IQGAP1: variants seen among roughly 807,000 people sequenced by gnomAD.
The protein encoded by IQGAP1 is IQ motif containing GTPase activating protein 1.
A neutral mutation model predicts 215.6 loss-of-function variants in IQGAP1; 66 were observed. The observed-to-expected ratio is 0.31, with a 90% CI of 0.25 to 0.38. IQGAP1 has a LOEUF of 0.38. Among genes scored for constraint, IQGAP1 ranks in the 10% least tolerant of loss-of-function variants. The pLI is 1.00. For missense variants in IQGAP1, 1,712 were observed against 1,997.1 expected (o/e 0.86, Z 2.72); for synonymous variants, 772 against 728.7 (o/e 1.06, Z -0.96).
chr15:90,486,822 T>C, intron 31 of IQGAP1, 132 bp from the exon 32 acceptor site: 1 of 853,694 alleles, frequency 1.2e-6, no homozygotes, highest in South Asian at 1.8e-5. Flanking sequence ...GTAAAAGTTG[T>C]TCTCGTCACA....
intron 33 of IQGAP1, among the ~76,000 whole-genome samples, chr15:90,490,970 G>C (rs941070837): frequency 1.3e-5 from 2 of 152,090 alleles, no homozygotes; most frequent in African/African-American, 4.8e-5. Flanking sequence ...CCCATGCTCG[G>C]CTAATTTTGT....
At chr15:90,432,542 A>G (rs1388936909) in intron 4 of IQGAP1, among the ~76,000 whole-genome samples, 1 of 152,156 alleles carries the variant, frequency 6.6e-6, no homozygotes, top group African/African-American at 2.4e-5. Flanking sequence ...TGCTTATAAT[A>G]ATCTGATTTT....
chr15:90,485,772 C>T (rs1966117859), intron 30 of IQGAP1, among the ~76,000 whole-genome samples: 3 of 152,078 alleles, frequency 2.0e-5, no homozygotes, highest in Non-Finnish European at 4.4e-5. Context: ...ACATTTGAAT[C>T]CTTTATGGCC....
intron 36 of IQGAP1, among the ~76,000 whole-genome samples, chr15:90,495,537 G>A (rs563851528): frequency 4.0e-5 from 6 of 151,750 alleles, no homozygotes; most frequent in East Asian, 1.9e-4. Context: ...TCGTTTTAAT[G>A]TATTTTTTTC....
At position 90,463,902 on chromosome 15, in the gene IQGAP1, G is replaced by A. The variant is rs184670008; in HGVS notation, c.1777-2099G>A. Among the ~76,000 whole-genome samples, 20 of 152,308 alleles carry A rather than the reference G, an allele frequency of 1.3e-4. No individual in the cohort carries two copies. In the East Asian group the frequency reaches 2.5e-3, roughly 19 times the overall value. Reference sequence around the variant, plus strand: ...TTTATAAATTGCAGGGATTGTGGCTGCTTCACTATATGGAGTGAAATGTTG... The same window carrying A: ...TTTATAAATTGCAGGGATTGTGGCTACTTCACTATATGGAGTGAAATGTTG... On this transcript the variant is annotated intron_variant, in intron 15 of 37. Transcript: ENST00000268182.
At chr15:90,466,231 C>G (rs1457874254) in intron 16 of IQGAP1, 38 bp from the exon 17 acceptor site, 1 of 1,601,300 alleles carries the variant, frequency 6.2e-7, no homozygotes, top group Admixed American at 1.7e-5. Context: ...TTTAGACACT[C>G]TCTAAACTAT....
At chr15:90,397,383 C>G (rs543949987) in intron 2 of IQGAP1, among the ~76,000 whole-genome samples, 1 of 152,076 alleles carries the variant, frequency 6.6e-6, no homozygotes, top group South Asian at 2.1e-4. Flanking sequence ...TCTGGTTTTG[C>G]AAGTTGCTTA....
intron 31 of IQGAP1, chr15:90,486,578 G>A: frequency 5.9e-6 from 1 of 169,816 alleles, no homozygotes; most frequent in Non-Finnish European, 1.2e-5. Context: ...TTTTTTAATA[G>A]AGATGGAGTC....
intron 9 of IQGAP1, among the ~76,000 whole-genome samples, chr15:90,445,947 C>G (rs1965522624): frequency 6.6e-6 from 1 of 151,920 alleles, no homozygotes; most frequent in Non-Finnish European, 1.5e-5. Context: ...TTTCTTCTGC[C>G]TCAGCCTCCT....
intron 5 of IQGAP1, 109 bp downstream of exon 5, chr15:90,433,904 A>G (rs761537112): frequency 8.5e-6 from 5 of 590,440 alleles, no homozygotes; most frequent in Non-Finnish European, 1.5e-5. Context: ...ATTAGTTTCA[A>G]AAGTTCCAAA....
At chr15:90,401,611 A>G (rs1373112093) in intron 2 of IQGAP1, among the ~76,000 whole-genome samples, 3 of 152,190 alleles carry the variant, frequency 2.0e-5, no homozygotes, top group African/African-American at 7.2e-5. Context: ...TGTGCTAAGC[A>G]CTTTATATGC....
chr15:90,443,113 C>T (rs1172629323), intron 8 of IQGAP1, among the ~76,000 whole-genome samples: 1 of 152,172 alleles, frequency 6.6e-6, no homozygotes, highest in East Asian at 1.9e-4. Context: ...CATGTGCCAC[C>T]ACATTGGGCT....
intron 32 of IQGAP1, 22 bp downstream of exon 32, chr15:90,487,111 A>T (rs767934319): frequency 1.2e-6 from 2 of 1,612,242 alleles, no homozygotes; most frequent in South Asian, 2.2e-5. Flanking sequence ...AAGAAGGAAG[A>T]ATGAAATGAA....
At chr15:90,471,280 T>C (rs1596283179) in intron 18 of IQGAP1, among the ~76,000 whole-genome samples, 1 of 152,268 alleles carries the variant, frequency 6.6e-6, no homozygotes, top group East Asian at 1.9e-4. Flanking sequence ...TGCTCTGTCA[T>C]TCTTAGCATG....
In IQGAP1 at chr15:90,467,730, T is replaced by G. The variant is rs533150716; in HGVS notation, c.2178+138T>G. ...TATGTAATGAGCTGTTTTGCGGTAA[T>G]TTTTTTGTAGTAGTTGGGGGAGTGA... On this transcript the variant is annotated intron_variant, in intron 18 of 37. Transcript: ENST00000268182. 7.6e-6 allele frequency: 6 copies of G among 786,790 alleles called. No individual in the cohort carries two copies. The East Asian group carries it at 1.5e-4, about 19-fold the overall frequency. The allele number at this position is 786,790 out of a possible 1,614,324, so 48.7% of individuals were successfully genotyped here. A position where few individuals can be genotyped will look rare whatever the true frequency, so the allele number is the denominator to read the frequency against.
In IQGAP1 at chr15:90,473,624, A is replaced by G. The variant is rs1965935658; in HGVS notation, c.2350-91A>G. The G allele has an allele frequency of 1.0e-5, 9 of 871,792 alleles. No individual in the cohort carries two copies. In the South Asian group the frequency reaches 1.5e-4, roughly 14 times the overall value. The allele number at this position is 871,792 out of a possible 1,614,324, so 54.0% of individuals were successfully genotyped here. ...TCCTAAAACTTCATCATGAAATTGC[A>G]CTTGGATCATGTATCAAGATGAAAG... is the stretch of plus-strand genomic sequence containing the variant. On this transcript the variant is annotated intron_variant, in intron 19 of 37. Coordinates refer to ENST00000268182, the MANE Select transcript of IQGAP1 (RefSeq NM_003870.4).
Position 90,474,079 on chromosome 15 carries a change from A to G in IQGAP1, c.2521A>G (p.Lys841Glu), listed in dbSNP as rs1192212674. The G allele has an allele frequency of 6.2e-7, 1 of 1,613,426 alleles. No homozygotes were observed. Among genetic ancestry groups the G allele is most frequent in the Non-Finnish European group, 8.5e-7 (1 of 1,179,678 alleles). ...TGTTCCTTAGATAAATGACATTATC[A>G]AAATCCAGGCTTTTATTCGGGCAAA... is the stretch of plus-strand genomic sequence containing the variant. ...YFRDHINDIIKIQAFIRANKA... is the reference protein window; with the variant it reads ...YFRDHINDIIEIQAFIRANKA... The change falls in exon 22 of 38, where the codon AAA becomes GAA. Residue 841 changes from lysine to glutamate, a missense_variant. Physicochemically the swap from Lys to Glu is moderately conservative, Grantham distance 56. Transcript: ENST00000268182.
intron 20 of IQGAP1, 40 bp from the exon 21 acceptor site, chr15:90,473,856 A>C (rs1242672365): frequency 6.2e-7 from 1 of 1,611,892 alleles, no homozygotes; most frequent in Non-Finnish European, 8.5e-7. Flanking sequence ...ACGTGTTGAG[A>C]TGAAGGACTC....
At position 90,448,695 on chromosome 15, in the gene IQGAP1, T is replaced by C. The variant is rs1326312016; in HGVS notation, c.1036T>C (p.Tyr346His). The stretch of plus-strand genomic sequence containing the variant: ...ACTGCAGCAACAGAATAGCGACTGG[T>C]ACTTGAAGCAGCTCCTGAGTGATAA... ...RGLQQQNSDW[Y>H]LKQLLSDKQQ... Residue 346 changes from tyrosine to histidine, a missense_variant, in exon 10 of 38, where the codon TAC (tyrosine) becomes CAC (histidine). Transcript: ENST00000268182. 8.1e-6 allele frequency: 13 copies of C among 1,609,100 alleles called. No individual in the cohort carries two copies. Among genetic ancestry groups the C allele is most frequent in the Non-Finnish European group, 1.1e-5 (13 of 1,177,972 alleles).
Sources: allele counts gnomAD v4.1 joint callset (sites outside exome capture counted in the v4.1 genomes callset), GRCh38; gene constraint gnomAD v4.1.1; transcripts MANE v1.5; gene names NCBI Gene and HGNC (gene_info 2026-07-23, HGNC 2026-07-21).